The following PRELP variants were observed in gnomAD, a reference collection of about 807,000 sequenced individuals.
The protein encoded by PRELP is prolargin.
PRELP carries 16 observed loss-of-function variants against 22.8 expected under a neutral mutation model. The observed-to-expected ratio is 0.70, with a 90% CI of 0.47 to 1.06. PRELP has a LOEUF of 1.06. Among genes scored for constraint, PRELP ranks in the 50% least tolerant of loss-of-function variants. PRELP has a pLI of 0.00. For synonymous variants in PRELP, 233 were observed against 211.4 expected (o/e 1.10, Z -0.89); for missense variants, 434 against 485.2 (o/e 0.89, Z 0.99).
chr1:203,490,962 G>A lies in PRELP; in HGVS notation c.*4081G>A, dbSNP rs1661181773. On this transcript the variant is annotated 3_prime_UTR_variant, in exon 3 of 3. Transcript: ENST00000343110. ...GAATGGATACCTCTGTGTCCTAAGTGTTTGTAATAATGCTGTGTGTCAGGC... is the reference window on the plus strand; with the variant it reads ...GAATGGATACCTCTGTGTCCTAAGTATTTGTAATAATGCTGTGTGTCAGGC... The A allele has an allele frequency of 6.6e-6, 1 of 152,382 alleles. No homozygotes were observed. Among genetic ancestry groups the A allele is most frequent in the Non-Finnish European group, 1.5e-5 (1 of 68,144 alleles). 9.4% of individuals were successfully genotyped at this position (152,382 alleles called of 1,614,324 possible). A position where few individuals can be genotyped will look rare whatever the true frequency, so the allele number is the denominator to read the frequency against.
At position 203,482,348 on chromosome 1, in the gene PRELP, G is replaced by A. The variant is rs7531440; in HGVS notation, c.-16-821G>A. Among the ~76,000 whole-genome samples the A allele has an allele frequency of 4.6e-3, 694 of 151,230 alleles. 6 individuals carry two copies. Among genetic ancestry groups the A allele is most frequent in the African/African-American group, 0.016 (647 of 41,198 alleles). ...GGCTGGAGTGCATTGGTGCAATCTC[G>A]GCTCACTGCAACCTCCTCCTCCTGG... On this transcript the variant is annotated intron_variant, in intron 1 of 2. Coordinates refer to ENST00000343110, the MANE Select transcript of PRELP (RefSeq NM_002725.4).
In PRELP at chr1:203,483,980, C is replaced by T; in HGVS notation, c.796C>T (p.Pro266Ser). 3 of 1,614,238 alleles carry T rather than the reference C, an allele frequency of 1.9e-6. No individual in the cohort carries two copies. Among genetic ancestry groups the T allele is most frequent in the Non-Finnish European group, 2.5e-6 (3 of 1,180,048 alleles). Reference protein sequence around the residue: ...TIPNGYFKSFPNLAFIRLNYN... With the variant: ...TIPNGYFKSFSNLAFIRLNYN... ...CCCTAACGGATACTTCAAGAGCTTT[C>T]CCAATCTTGCCTTCATTCGGCTTAA... The change falls in exon 2 of 3, where the codon CCC (proline) becomes TCC (serine). Residue 266 changes from proline (P) to serine (S), a missense_variant. By Grantham distance (74) the Pro-to-Ser change is moderately conservative. Coordinates refer to ENST00000343110, the MANE Select transcript of PRELP (RefSeq NM_002725.4). The surrounding 1 kb of genome is among the most constrained non-coding windows in gnomAD (Gnocchi z 4.4).
At chr1:203,484,258 C>A in intron 2 of PRELP, 101 bp downstream of exon 2, 1 of 1,480,222 alleles carries the variant, frequency 6.8e-7, no homozygotes. Context: ...GTATAAAAAG[C>A]ATCCACTTTG....
At position 203,489,279 on chromosome 1, in the gene PRELP, T is replaced by C. The variant is rs9475; in HGVS notation, c.*2398T>C. ...TCGTTGAGCAGCAACGCAATCACCA[T>C]CATCCCACTGCCCAATCTAGAATAT... On this transcript the variant is annotated 3_prime_UTR_variant, in exon 3 of 3. Coordinates refer to ENST00000343110, the MANE Select transcript of PRELP (RefSeq NM_002725.4). The C allele has an allele frequency of 0.3, 45,986 of 152,422 alleles. 6,879 individuals carry two copies. The highest frequency in any genetic ancestry group is 0.31 in the Middle Eastern group (92 of 294). The allele number at this position is 152,422 out of a possible 1,614,324, so 9.4% of individuals were successfully genotyped here.
chr1:203,481,251 T>A (rs1378342648), intron 1 of PRELP, among the ~76,000 whole-genome samples: 1 of 152,056 alleles, frequency 6.6e-6, no homozygotes, highest in African/African-American at 2.4e-5. Flanking sequence ...TTTTTTTAAA[T>A]CAGGGTCACA....
Position 203,483,133 on chromosome 1 carries a change from C to T in PRELP, c.-16-36C>T. On this transcript the variant is annotated intron_variant, in intron 1 of 2. Transcript: ENST00000343110. The surrounding 1 kb of genome is among the most constrained non-coding windows in gnomAD (Gnocchi z 4.4). ...AACATGACAACTAGTTACTGAGGGC[C>T]CAAGGATAATGACCTTATGTGTCTT... 2.7e-6 allele frequency: 4 copies of T among 1,465,780 alleles called. No individual in the cohort carries two copies. Among genetic ancestry groups the T allele is most frequent in the Non-Finnish European group, 2.8e-6 (3 of 1,088,224 alleles). 90.8% of individuals were successfully genotyped at this position (1,465,780 alleles called of 1,614,324 possible). A position where few individuals can be genotyped will look rare whatever the true frequency, so the allele number is the denominator to read the frequency against.
intron 2 of PRELP, among the ~76,000 whole-genome samples, 166 bp downstream of exon 2, chr1:203,484,323 G>C (rs1292301372): frequency 2.0e-5 from 3 of 152,264 alleles, no homozygotes; most frequent in Non-Finnish European, 4.4e-5. Context: ...ACCTTGAAAA[G>C]ATATTTGACC....
Position 203,483,370 on chromosome 1 carries a change from C to T in PRELP, c.186C>T (p.Leu62=), listed in dbSNP as rs991095688. The change falls in exon 2 of 3, where the codon CTC becomes CTT. Residue 62 remains leucine, a synonymous_variant. Coordinates refer to ENST00000343110, the MANE Select transcript of PRELP (RefSeq NM_002725.4). This position sits in a 1 kb window ranked among gnomAD's most constrained non-coding sequence, Gnocchi z 4.4. The stretch of plus-strand genomic sequence containing the variant: ...AGCCAACAGACCTGCCTCCTCCCCT[C>T]CCTCCAGGCCCTCCATCTATCTTCC... ...PAEPTDLPPP[L]PPGPPSIFPD... is the part of the protein sequence containing the mutation. 3 of 1,614,120 alleles carry T rather than the reference C, an allele frequency of 1.9e-6. No homozygotes were observed. In the African/African-American group the frequency reaches 4.0e-5, roughly 22 times the overall value.
Position 203,484,130 on chromosome 1 carries a change from C to G in PRELP, c.946C>G (p.Leu316Val). The change falls in exon 2 of 3, where the codon CTG (leucine) becomes GTG (valine). Residue 316 changes from leucine (L) to valine (V), a missense_variant. Leu to Val is a conservative substitution (Grantham distance 32, BLOSUM62 1). Coordinates refer to ENST00000343110, the MANE Select transcript of PRELP (RefSeq NM_002725.4). ...VPAINNRLEH[L>V]YLNNNSIEKI... ...CGCCATCAACAACAGGCTGGAACACCTGTACCTCAACAACAATAGCATCGA... is the reference window on the plus strand; with the variant it reads ...CGCCATCAACAACAGGCTGGAACACGTGTACCTCAACAACAATAGCATCGA... The G allele has an allele frequency of 6.4e-7, 1 of 1,555,640 alleles. No individual in the cohort carries two copies. Among genetic ancestry groups the G allele is most frequent in the Non-Finnish European group, 8.8e-7 (1 of 1,142,444 alleles).
At chr1:203,484,227 A>T in intron 2 of PRELP, 70 bp downstream of exon 2, 1 of 1,549,494 alleles carries the variant, frequency 6.5e-7, no homozygotes, top group Non-Finnish European at 8.7e-7. Flanking sequence ...CACCCTCTCT[A>T]GGGAGACTCA....
rs762911244 is a variant in PRELP, at chr1:203,486,722, G to C, written c.990G>C (p.Gln330His). The C allele has an allele frequency of 4.3e-6, 7 of 1,612,030 alleles. No homozygotes were observed. The highest frequency in any genetic ancestry group is 5.9e-6 in the Non-Finnish European group (7 of 1,178,350). Residue 330 changes from glutamine (Q) to histidine (H), a missense_variant, in exon 3 of 3, where the codon CAG becomes CAC. Coordinates refer to ENST00000343110, the MANE Select transcript of PRELP (RefSeq NM_002725.4). ...NNSIEKINGT[Q>H]ICPNDLVAFH... ...TTTCCGTAGAAATCAACGGAACCCA[G>C]ATTTGCCCCAACGACCTAGTGGCGT...
intron 1 of PRELP, among the ~76,000 whole-genome samples, chr1:203,481,351 C>A (rs904896562): frequency 6.6e-6 from 1 of 152,114 alleles, no homozygotes; most frequent in African/African-American, 2.4e-5. Context: ...TTCTGTTTTC[C>A]AGAAAATTAC....
At chr1:203,477,354 G>A (rs1660928447) in intron 1 of PRELP, among the ~76,000 whole-genome samples, 1 of 152,190 alleles carries the variant, frequency 6.6e-6, no homozygotes, top group African/African-American at 2.4e-5. Flanking sequence ...GCACCAGAGT[G>A]TCCCAAATAG....
In PRELP at chr1:203,490,779, C is replaced by G. The variant is rs748548856; in HGVS notation, c.*3898C>G. The stretch of plus-strand genomic sequence containing the variant: ...ACTGCCAGGTGACGCCCTCGCTGCT[C>G]CTACCTGGCTACTAAACATCGACTT... On this transcript the variant is annotated 3_prime_UTR_variant, in exon 3 of 3. Transcript: ENST00000343110. 4 of 152,220 alleles carry G rather than the reference C, an allele frequency of 2.6e-5. No individual in the cohort carries two copies. The highest frequency in any genetic ancestry group is 5.9e-5 in the Non-Finnish European group (4 of 68,038). The allele number at this position is 152,220 out of a possible 1,614,324, so 9.4% of individuals were successfully genotyped here.
In PRELP at chr1:203,483,882, T is replaced by G; in HGVS notation, c.698T>G (p.Leu233Arg). The G allele has an allele frequency of 1.9e-6, 3 of 1,614,162 alleles. No homozygotes were observed. Among genetic ancestry groups the G allele is most frequent in the Non-Finnish European group, 2.5e-6 (3 of 1,180,024 alleles). Residue 233 changes from leucine (L) to arginine (R), a missense_variant, in exon 2 of 3, where the codon CTG becomes CGG. Leu to Arg is a moderately radical substitution (Grantham distance 102, BLOSUM62 -2). Transcript: ENST00000343110. The surrounding 1 kb of genome is among the most constrained non-coding windows in gnomAD (Gnocchi z 4.4). ...CAGCTCAACCTGGCCCACAACATCCTGAGAAAGATGCCGCCCAGGGTCCCC... is the reference window on the plus strand; with the variant it reads ...CAGCTCAACCTGGCCCACAACATCCGGAGAAAGATGCCGCCCAGGGTCCCC... ...LMQLNLAHNI[L>R]RKMPPRVPTA...
chr1:203,483,261 C>G lies in PRELP; in HGVS notation c.77C>G (p.Pro26Arg), dbSNP rs1661035163. 1.2e-6 allele frequency: 2 copies of G among 1,603,854 alleles called. No homozygotes were observed. The highest frequency in any genetic ancestry group is 3.5e-5 in the Admixed American group (2 of 56,904). The part of the protein sequence containing the change: ...SVAQGQPTRR[P>R]RPGTGPGRRP... ...GCCCAAGGCCAGCCAACAAGACGAC[C>G]AAGACCCGGGACTGGGCCCGGGCGC... Residue 26 changes from proline to arginine, a missense_variant, in exon 2 of 3, where the codon CCA (proline) becomes CGA (arginine). Coordinates refer to ENST00000343110, the MANE Select transcript of PRELP (RefSeq NM_002725.4). This position sits in a 1 kb window ranked among gnomAD's most constrained non-coding sequence, Gnocchi z 4.4.
intron 2 of PRELP, 55 bp from the exon 3 acceptor site, chr1:203,486,651 C>A: frequency 6.6e-7 from 1 of 1,519,708 alleles, no homozygotes; most frequent in South Asian, 1.2e-5. Flanking sequence ...TCCCCTTCCT[C>A]ATCTTGGCCG....
chr1:203,489,168 T>A lies in PRELP; in HGVS notation c.*2287T>A, dbSNP rs1164224547. ...CTTCGGCCTGGATAAGAGCCCCTTC[T>A]GCATCTTATTCACAGCTTGCAGCCT... On this transcript the variant is annotated 3_prime_UTR_variant, in exon 3 of 3. Coordinates refer to ENST00000343110, the MANE Select transcript of PRELP (RefSeq NM_002725.4). 6.5e-6 allele frequency: 1 copy of A among 152,678 alleles called. No individual in the cohort carries two copies. The highest frequency in any genetic ancestry group is 2.4e-5 in the African/African-American group (1 of 41,464). 9.5% of individuals were successfully genotyped at this position (152,678 alleles called of 1,614,324 possible).
chr1:203,479,575 T>C (rs1226528407), intron 1 of PRELP, among the ~76,000 whole-genome samples: 1 of 151,784 alleles, frequency 6.6e-6, no homozygotes, highest in African/African-American at 2.4e-5. Context: ...TGGTAGCACA[T>C]GCCTATAGTA....
Sources: allele counts gnomAD v4.1 joint callset (sites outside exome capture counted in the v4.1 genomes callset), GRCh38; gene constraint gnomAD v4.1.1; non-coding constraint Gnocchi (gnomAD v3.1); transcripts MANE v1.5; gene names NCBI Gene and HGNC (gene_info 2026-07-23, HGNC 2026-07-21).